Variants in PKHD1L1 observed in about 807,000 individuals in gnomAD.
PKHD1L1 encodes the protein PKHD1 like 1.
Under a neutral mutation model 462.9 loss-of-function variants are expected in PKHD1L1, and 434 were observed. The observed-to-expected ratio is 0.94, with a 90% CI of 0.87 to 1.02. PKHD1L1 has a LOEUF of 1.02. Ranked by LOEUF, PKHD1L1 falls within the 50% of genes least tolerant of loss-of-function variation. PKHD1L1 has a pLI of 0.00. For synonymous variants in PKHD1L1, 1,781 were observed against 1,750.0 expected (o/e 1.02, Z -0.44); for missense variants, 5,202 against 5,096.1 (o/e 1.02, Z -0.63).
chr8:109,423,077 C>T (rs1396631126), intron 23 of PKHD1L1, among the ~76,000 whole-genome samples: 2 of 152,076 alleles, frequency 1.3e-5, no homozygotes, highest in Non-Finnish European at 2.9e-5. Context: ...TATTTTCTCC[C>T]AGACTGTACC....
intron 21 of PKHD1L1, among the ~76,000 whole-genome samples, chr8:109,416,605 C>G (rs1350212312): frequency 6.6e-6 from 1 of 152,090 alleles, no homozygotes; most frequent in African/African-American, 2.4e-5. Flanking sequence ...GGGACTGAAG[C>G]TAGCTCCTGG....
At chr8:109,499,406 A>G (rs1806695402) in intron 67 of PKHD1L1, 1 of 152,262 alleles carries the variant, frequency 6.6e-6, no homozygotes, top group African/African-American at 2.4e-5. Context: ...CTAAGTTTTA[A>G]CATATTCTTT....
chr8:109,425,039 C>G (rs1229057797), intron 23 of PKHD1L1, 46 bp from the exon 24 acceptor site: 1 of 1,399,988 alleles, frequency 7.1e-7, no homozygotes, highest in Non-Finnish European at 9.6e-7. Context: ...TCATGTAAGC[C>G]ATTGTTAAGT....
At chr8:109,492,105 G>GT in intron 62 of PKHD1L1, 111 bp downstream of exon 62, 1 of 905,678 alleles carries the variant, frequency 1.1e-6, no homozygotes, top group Non-Finnish European at 1.5e-6. Flanking sequence ...AAAAGATGAT[G>GT]TAAGTTTCGA....
rs1813966974 is a variant in PKHD1L1 at position 109,413,456 on chromosome 8, T to C, written c.2271T>C (p.Tyr757=). ...CATACAAAGGATTCCTGGCAAATTA[T>C]ATTGGTCTAAAATTTCAGTACCAAG... is the stretch of plus-strand genomic sequence containing the variant. ...CLAYKGFLAN[Y]IGLKFQYQDN... Residue 757 remains tyrosine (Y), a synonymous_variant, in exon 21 of 78, where the codon TAT becomes TAC. Transcript: ENST00000378402. 3 of 1,575,756 alleles carry C rather than the reference T, an allele frequency of 1.9e-6. No homozygotes were observed. The highest frequency in any genetic ancestry group is 1.8e-5 in the Admixed American group (1 of 56,240).
chr8:109,404,415 A>T, intron 14 of PKHD1L1, 139 bp from the exon 15 acceptor site: 1 of 482,928 alleles, frequency 2.1e-6, no homozygotes, highest in Non-Finnish European at 3.3e-6. Context: ...ACATTTGAAT[A>T]TTTAAAATAT....
intron 21 of PKHD1L1, among the ~76,000 whole-genome samples, chr8:109,415,441 A>G (rs1443855208): frequency 6.6e-6 from 1 of 152,224 alleles, no homozygotes; most frequent in African/African-American, 2.4e-5. Context: ...ACTATCTTTT[A>G]GAGGACAAGA....
Position 109,493,725 on chromosome 8 carries a change from A to G in PKHD1L1, c.10301A>G (p.Tyr3434Cys). 6.2e-7 allele frequency: 1 copy of G among 1,609,210 alleles called. No homozygotes were observed. Among genetic ancestry groups the G allele is most frequent in the Non-Finnish European group, 8.5e-7 (1 of 1,177,348 alleles). Residue 3434 changes from tyrosine (Y) to cysteine (C), a missense_variant, in exon 63 of 78, where the codon TAC becomes TGC. By Grantham distance (194) the Tyr-to-Cys change is radical (BLOSUM62 -2). Coordinates refer to ENST00000378402, the MANE Select transcript of PKHD1L1 (RefSeq NM_177531.6). ...NVVAGFGRAG[Y>C]RIDGEPCPGQ... is the part of the protein sequence containing the mutation. ...GTGGCTGGATTTGGAAGAGCAGGAT[A>G]CCGCATTGATGGTGAACCTTGCCCA...
At chr8:109,522,444 C>A in intron 74 of PKHD1L1, 107 bp downstream of exon 74, 2 of 1,231,816 alleles carry the variant, frequency 1.6e-6, no homozygotes, top group Non-Finnish European at 2.2e-6. Flanking sequence ...ATTTAGCAGG[C>A]ATGTCTTTCT....
At chr8:109,381,636 G>T in intron 3 of PKHD1L1, 122 bp downstream of exon 3, 3 of 754,686 alleles carry the variant, frequency 4.0e-6, no homozygotes, top group South Asian at 2.9e-5. Context: ...TCTGATTATA[G>T]GTTAGTATTT....
At chr8:109,421,823 T>C (rs1053323918) in intron 23 of PKHD1L1, among the ~76,000 whole-genome samples, 2 of 152,186 alleles carry the variant, frequency 1.3e-5, no homozygotes, top group African/African-American at 4.8e-5. Flanking sequence ...AGGCTCTGTA[T>C]TCTCAAAGCA....
chr8:109,452,578 T>A (rs1816591749), intron 42 of PKHD1L1, 140 bp from the exon 43 acceptor site: 2 of 448,790 alleles, frequency 4.5e-6, no homozygotes, highest in East Asian at 1.0e-4. Flanking sequence ...GATTTTATTA[T>A]TAATAAAATG....
chr8:109,458,233 T>C (rs16879609), intron 46 of PKHD1L1, among the ~76,000 whole-genome samples: 1,759 of 152,268 alleles, frequency 0.012, 17 homozygotes, highest in Admixed American at 0.017. Flanking sequence ...CATTCATTAT[T>C]TCCTTTGTAT....
rs570239751 is a variant in PKHD1L1, at chr8:109,441,478, G to T, written c.4204+99G>T. ...ATATTTCAAATTATTGAGAGACTAA[G>T]TATTGTTATTTCTTTTATAATTTGT... On this transcript the variant is annotated intron_variant, in intron 34 of 77. Coordinates refer to ENST00000378402, the MANE Select transcript of PKHD1L1 (RefSeq NM_177531.6). 17 of 769,188 alleles carry T rather than the reference G, an allele frequency of 2.2e-5. No homozygotes were observed. The East Asian group carries it at 3.3e-4, about 15-fold the overall frequency. 47.6% of individuals were successfully genotyped at this position (769,188 alleles called of 1,614,324 possible). A position where few individuals can be genotyped will look rare whatever the true frequency, so the allele number is the denominator to read the frequency against.
rs1228791750 is a variant in PKHD1L1 at position 109,443,885 on chromosome 8, C to G, written c.4774C>G (p.Leu1592Val). 2.5e-6 allele frequency: 4 copies of G among 1,608,692 alleles called. No homozygotes were observed. The highest frequency in any genetic ancestry group is 3.4e-6 in the Non-Finnish European group (4 of 1,175,292). The change falls in exon 37 of 78, where the codon CTC becomes GTC. Residue 1592 changes from leucine (L) to valine (V), a missense_variant. Physicochemically the swap from Leu to Val is conservative, Grantham distance 32. Around this residue, in one of 3 missense-constraint regions of PKHD1L1, gnomAD observed 4,497 missense variants for 4,336.8 expected, o/e 1.04. Transcript: ENST00000378402. Reference sequence around the variant, plus strand: ...AATTATTGGACATGGCTTTAGTAATCTCCCATGGGCTAATAAGGTAAGAAT... The same window carrying G: ...AATTATTGGACATGGCTTTAGTAATGTCCCATGGGCTAATAAGGTAAGAAT... ...ITIIGHGFSNLPWANKVTIGS... is the reference protein window; with the variant it reads ...ITIIGHGFSNVPWANKVTIGS...
At position 109,530,787 on chromosome 8, in the gene PKHD1L1, G is replaced by A. The variant is rs896393088; in HGVS notation, c.*697G>A. Among the ~76,000 whole-genome samples, 3 of 152,056 alleles carry A rather than the reference G, an allele frequency of 2.0e-5. No individual in the cohort carries two copies. The highest frequency in any genetic ancestry group is 7.2e-5 in the African/African-American group (3 of 41,408). On this transcript the variant is annotated 3_prime_UTR_variant, in exon 78 of 78. Transcript: ENST00000378402. ...CTACCCCTCCTTCCCACTCAAAACT[G>A]CCACTACTAAGAGCAGGACTCCCCT...
intron 50 of PKHD1L1, among the ~76,000 whole-genome samples, chr8:109,468,873 T>A (rs1311844871): frequency 2.0e-5 from 3 of 152,214 alleles, no homozygotes; most frequent in African/African-American, 7.2e-5. Flanking sequence ...GTGAATTGGC[T>A]TGGATCTAGA....
In PKHD1L1 at chr8:109,404,997, T is replaced by G; in HGVS notation, c.1536T>G (p.Val512=). The G allele has an allele frequency of 6.7e-7, 1 of 1,492,876 alleles. No individual in the cohort carries two copies. Among genetic ancestry groups the G allele is most frequent in the Non-Finnish European group, 9.0e-7 (1 of 1,112,638 alleles). 92.5% of individuals were successfully genotyped at this position (1,492,876 alleles called of 1,614,324 possible). A position where few individuals can be genotyped will look rare whatever the true frequency, so the allele number is the denominator to read the frequency against. Residue 512 remains valine, a splice_region_variant and synonymous_variant, in exon 16 of 78, where the codon GTT becomes GTG. Transcript: ENST00000378402. ...SQSTILQEVQ[V]ITLENWETTN... ...AATGTTTCTTAATTGGAAAATAGGT[T>G]ATAACATTGGAAAACTGGGAAACAA... is the stretch of plus-strand genomic sequence containing the variant.
chr8:109,518,370 T>C lies in PKHD1L1; in HGVS notation c.11893T>C (p.Phe3965Leu). The C allele has an allele frequency of 6.2e-7, 1 of 1,613,390 alleles. No homozygotes were observed. Among genetic ancestry groups the C allele is most frequent in the South Asian group, 1.1e-5 (1 of 91,076 alleles). The change falls in exon 73 of 78, where the codon TTC becomes CTC. Residue 3965 changes from phenylalanine to leucine, a missense_variant. Coordinates refer to ENST00000378402, the MANE Select transcript of PKHD1L1 (RefSeq NM_177531.6). ...CAATCTGGTTAAAAATCTTGCCTTG[T>C]TCCTAAAGATACCAAGTGACAAAAT... is the stretch of plus-strand genomic sequence containing the variant. ...SHNLVKNLAL[F>L]LKIPSDKIRI...
Sources: gnomAD v4.1 joint callset for allele counts (sites outside exome capture counted in the v4.1 genomes callset) on GRCh38, gnomAD v4.1.1 for gene constraint, gnomAD v4.1.1 regional missense constraint, MANE v1.5 for transcripts, NCBI Gene and HGNC (gene_info 2026-07-23, HGNC 2026-07-21) for gene names.